The following FOXP2 variants were observed in gnomAD, a reference collection of about 807,000 sequenced individuals.
FOXP2 encodes forkhead box protein P2.
FOXP2 carries 12 observed loss-of-function variants against 115.8 expected under a neutral mutation model. The observed-to-expected ratio is 0.10, with a 90% CI of 0.07 to 0.17. FOXP2 has a LOEUF of 0.17. FOXP2 is among the 10% of genes least tolerant of loss of function. The pLI is 1.00. For missense variants in FOXP2, 629 were observed against 843.5 expected (o/e 0.75, Z 3.15); for synonymous variants, 328 against 297.7 (o/e 1.10, Z -1.05).
Position 114,663,453 on chromosome 7 carries a change from T to C in FOXP2, c.1773T>C (p.Ser591=), listed in dbSNP as rs1449763146. Residue 591 remains serine, a synonymous_variant, in exon 15 of 17, where the codon AGT becomes AGC. Transcript: ENST00000350908. ...CTTTATATATTTTTTTTTTCAGAAGTCCAACCTTAGTAAAAAATATACCTA... is the reference window on the plus strand; with the variant it reads ...CTTTATATATTTTTTTTTTCAGAAGCCCAACCTTAGTAAAAAATATACCTA... ...QKRRSQKITG[S]PTLVKNIPTS... 5 of 1,604,602 alleles carry C rather than the reference T, an allele frequency of 3.1e-6. No homozygotes were observed. Among genetic ancestry groups the C allele is most frequent in the Non-Finnish European group, 4.3e-6 (5 of 1,172,762 alleles).
chr7:114,342,928 A>C (rs1437828850), intron 2 of FOXP2, among the ~76,000 whole-genome samples: 1 of 151,584 alleles, frequency 6.6e-6, no homozygotes, highest in Non-Finnish European at 1.5e-5. Flanking sequence ...TTAGAGAAGA[A>C]ATGTTCAGAA....
intron 1 of FOXP2, among the ~76,000 whole-genome samples, chr7:114,113,845 C>T (rs1791336236): frequency 6.6e-6 from 1 of 152,042 alleles, no homozygotes; most frequent in East Asian, 1.9e-4. Context: ...CAGTTAAAAG[C>T]CCAACATGAT....
At chr7:114,106,871 A>G (rs1250278658) in intron 1 of FOXP2, among the ~76,000 whole-genome samples, 1 of 151,892 alleles carries the variant, frequency 6.6e-6, no homozygotes, top group Non-Finnish European at 1.5e-5. Flanking sequence ...AAAGCCTTAG[A>G]CCTTATTTAT....
At chr7:114,506,698 T>G (rs1562965366) in intron 2 of FOXP2, among the ~76,000 whole-genome samples, 1 of 151,746 alleles carries the variant, frequency 6.6e-6, no homozygotes, top group Non-Finnish European at 1.5e-5. Flanking sequence ...TATTTCACAT[T>G]TATTGCAACC....
chr7:114,369,398 C>A (rs1269286241), intron 2 of FOXP2, among the ~76,000 whole-genome samples: 1 of 152,122 alleles, frequency 6.6e-6, no homozygotes, highest in African/African-American at 2.4e-5. Context: ...AGTAGTCATT[C>A]ATATGCCAAG....
intron 1 of FOXP2, among the ~76,000 whole-genome samples, chr7:114,263,826 G>T (rs907141781): frequency 6.6e-6 from 1 of 151,552 alleles, no homozygotes; most frequent in African/African-American, 2.4e-5. Flanking sequence ...CACTCTGTCG[G>T]CCTCGAGCTG....
chr7:114,688,891 C>T (rs1204496136), intron 16 of FOXP2, among the ~76,000 whole-genome samples: 1 of 152,116 alleles, frequency 6.6e-6, no homozygotes, highest in Non-Finnish European at 1.5e-5. Flanking sequence ...AAGCAGCTCA[C>T]CAGCCCTGCA....
chr7:114,471,464 T>C (rs1367012219), intron 2 of FOXP2, among the ~76,000 whole-genome samples: 2 of 152,244 alleles, frequency 1.3e-5, no homozygotes, highest in African/African-American at 4.8e-5. Context: ...ATCTATTTTT[T>C]AAGTCTAGAA....
At chr7:114,547,528 C>T (rs1034896453) in intron 3 of FOXP2, among the ~76,000 whole-genome samples, 3 of 152,078 alleles carry the variant, frequency 2.0e-5, no homozygotes, top group Non-Finnish European at 2.9e-5. Context: ...GAGGCCGAGG[C>T]GGGCGGGTCA....
intron 2 of FOXP2, among the ~76,000 whole-genome samples, chr7:114,493,679 TTC>T (rs1028845791): frequency 6.6e-6 from 1 of 151,634 alleles, no homozygotes; most frequent in Non-Finnish European, 1.5e-5. Flanking sequence ...CTCTCTCTCA[TTC>T]TGTCTCTCTC....
Position 114,477,118 on chromosome 7 carries a change from G to T in FOXP2, c.168+50439G>T, listed in dbSNP as rs1470691166. On this transcript the variant is annotated intron_variant, in intron 2 of 16. Transcript: ENST00000350908. ...GAGACTTCTCAAAGCTCTTAAAACA[G>T]AGCTACCATTCAACCCAGCAATACA... Among the ~76,000 whole-genome samples the T allele has an allele frequency of 2.6e-5, 4 of 151,918 alleles. No homozygotes were observed. The East Asian group carries it at 7.7e-4, about 29-fold the overall frequency.
At chr7:114,138,646 C>T (rs1359994536) in intron 1 of FOXP2, among the ~76,000 whole-genome samples, 1 of 152,124 alleles carries the variant, frequency 6.6e-6, no homozygotes, top group Non-Finnish European at 1.5e-5. Context: ...CTGCCTCATC[C>T]TTCCGAAGTG....
intron 3 of FOXP2, among the ~76,000 whole-genome samples, chr7:114,585,866 T>G (rs1802107189): frequency 6.6e-6 from 1 of 152,286 alleles, no homozygotes; most frequent in Middle Eastern, 3.4e-3. Flanking sequence ...ATTTATAATT[T>G]AAATAAATAT....
At chr7:114,234,482 T>G (rs1306027523) in intron 1 of FOXP2, among the ~76,000 whole-genome samples, 2 of 152,224 alleles carry the variant, frequency 1.3e-5, no homozygotes, top group Non-Finnish European at 2.9e-5. Context: ...TACAGGTTGT[T>G]TAACGTTAGC....
intron 2 of FOXP2, among the ~76,000 whole-genome samples, chr7:114,514,341 G>A (rs1461123077): frequency 6.6e-6 from 1 of 151,958 alleles, no homozygotes; most frequent in Non-Finnish European, 1.5e-5. Flanking sequence ...TCACTATGAT[G>A]TACAACAGAT....
intron 1 of FOXP2, among the ~76,000 whole-genome samples, chr7:114,215,600 C>A (rs1392767339): frequency 1.3e-5 from 2 of 151,480 alleles, no homozygotes; most frequent in Non-Finnish European, 2.9e-5. Context: ...CTCTTTCTAG[C>A]TCCTTACTGA....
intron 1 of FOXP2, among the ~76,000 whole-genome samples, chr7:114,240,347 T>G (rs1006132906): frequency 1.3e-5 from 2 of 152,148 alleles, no homozygotes; most frequent in African/African-American, 2.4e-5. Flanking sequence ...CTGTATTTAT[T>G]TCGTTTGTTT....
intron 3 of FOXP2, among the ~76,000 whole-genome samples, chr7:114,615,804 C>G (rs908802845): frequency 1.3e-5 from 2 of 152,160 alleles, no homozygotes; most frequent in Non-Finnish European, 2.9e-5. Context: ...TTTACCAGGC[C>G]AAGTTCGGGA....
intron 1 of FOXP2, among the ~76,000 whole-genome samples, chr7:114,106,493 T>C (rs1791121162): frequency 6.6e-6 from 1 of 151,970 alleles, no homozygotes; most frequent in Non-Finnish European, 1.5e-5. Context: ...ACCCTATTAA[T>C]TTTGAGGAGC....
Sources: allele counts gnomAD v4.1 joint callset (sites outside exome capture counted in the v4.1 genomes callset), GRCh38; gene constraint gnomAD v4.1.1; transcripts MANE v1.5; gene names NCBI Gene and HGNC (gene_info 2026-07-23, HGNC 2026-07-21).